The following HDAC9 variants were observed in gnomAD, a reference collection of about 807,000 sequenced individuals.
HDAC9 encodes the protein MEF-2 interacting transcription repressor (MITR) protein.
HDAC9 carries 41 observed loss-of-function variants against 139.4 expected under a neutral mutation model. The observed-to-expected ratio is 0.29, with a 90% CI of 0.23 to 0.38. HDAC9 has a LOEUF of 0.38. HDAC9 is among the 10% of genes least tolerant of loss of function. The pLI is 1.00. For synonymous variants in HDAC9, 517 were observed against 476.2 expected, an observed-to-expected ratio of 1.09 and a Z score of -1.12; for missense variants, 1,147 against 1,297.0, an observed-to-expected ratio of 0.88 and a Z score of 1.78.
At chr7:18,143,067 C>A (rs941236548) in intron 1 of HDAC9, among the ~76,000 whole-genome samples, 23 of 152,180 alleles carry the variant, frequency 1.5e-4, no homozygotes, top group Admixed American at 2.6e-4. Context: ...GGGTGAGATG[C>A]TTCCAAAACT....
chr7:18,973,380 C>T (rs1049399265), intron 24 of HDAC9, among the ~76,000 whole-genome samples: 6 of 152,238 alleles, frequency 3.9e-5, no homozygotes, highest in South Asian at 2.1e-4. Flanking sequence ...GCTAAAATAA[C>T]GTTTAATAAT....
At chr7:18,797,163 A>G (rs1792873880) in intron 17 of HDAC9, among the ~76,000 whole-genome samples, 1 of 152,212 alleles carries the variant, frequency 6.6e-6, no homozygotes, top group African/African-American at 2.4e-5. Context: ...AAAGACATTA[A>G]GTAACCTTTT....
chr7:18,874,041 A>G (rs1014611355), intron 21 of HDAC9, among the ~76,000 whole-genome samples: 1 of 152,082 alleles, frequency 6.6e-6, no homozygotes, highest in African/African-American at 2.4e-5. Flanking sequence ...ACTTTTCCCA[A>G]AAGAAATTTA....
At chr7:18,969,233 A>G (rs1784095890) in intron 24 of HDAC9, among the ~76,000 whole-genome samples, 1 of 152,160 alleles carries the variant, frequency 6.6e-6, no homozygotes, top group African/African-American at 2.4e-5. Flanking sequence ...AGAACTGGGA[A>G]TAGTTTGCAT....
intron 13 of HDAC9, among the ~76,000 whole-genome samples, chr7:18,730,091 A>T (rs1463416686): frequency 6.6e-6 from 1 of 152,210 alleles, no homozygotes; most frequent in Non-Finnish European, 1.5e-5. Flanking sequence ...AAAAACGCAC[A>T]ATATTTTAAA....
At chr7:18,513,094 G>T (rs1802057503) in intron 2 of HDAC9, among the ~76,000 whole-genome samples, 1 of 152,186 alleles carries the variant, frequency 6.6e-6, no homozygotes. Context: ...ATAGCCAAAT[G>T]ATTTTGTACT....
chr7:18,367,733 G>A (rs2032162212), intron 1 of HDAC9, among the ~76,000 whole-genome samples: 1 of 152,056 alleles, frequency 6.6e-6, no homozygotes, highest in Non-Finnish European at 1.5e-5. Context: ...GTGGGTACAT[G>A]TTCAACTGTG....
At chr7:18,370,179 G>A (rs1489557605) in intron 1 of HDAC9, among the ~76,000 whole-genome samples, 1 of 152,108 alleles carries the variant, frequency 6.6e-6, no homozygotes, top group Non-Finnish European at 1.5e-5. Flanking sequence ...GGTTATTCCA[G>A]CCCCAACTGG....
At chr7:18,321,154 G>A (rs1373660530) in intron 1 of HDAC9, among the ~76,000 whole-genome samples, 2 of 152,122 alleles carry the variant, frequency 1.3e-5, no homozygotes, top group Non-Finnish European at 2.9e-5. Flanking sequence ...CCCTACTCAA[G>A]TCAGATCTGG....
chr7:18,488,637 A>G (rs1378861650), intron 1 of HDAC9, among the ~76,000 whole-genome samples: 1 of 152,036 alleles, frequency 6.6e-6, no homozygotes, highest in African/African-American at 2.4e-5. Context: ...GCTTATAACC[A>G]GAGTTTTCTG....
intron 1 of HDAC9, among the ~76,000 whole-genome samples, chr7:18,471,091 A>G (rs547207193): frequency 1.3e-5 from 2 of 152,132 alleles, no homozygotes; most frequent in East Asian, 3.9e-4. Flanking sequence ...GACCGAGAAA[A>G]TATGAAGGGT....
intron 1 of HDAC9, among the ~76,000 whole-genome samples, chr7:18,132,284 A>C (rs180930626): frequency 6.6e-6 from 1 of 152,336 alleles, no homozygotes. Flanking sequence ...ATGGAACTAC[A>C]TTCAAGGTGT....
intron 22 of HDAC9, among the ~76,000 whole-genome samples, chr7:18,896,095 A>C (rs990106531): frequency 1.3e-5 from 2 of 152,060 alleles, no homozygotes; most frequent in East Asian, 1.9e-4. Flanking sequence ...TTAAATTCCA[A>C]GTGTTATTTA....
intron 16 of HDAC9, among the ~76,000 whole-genome samples, chr7:18,782,654 C>G (rs1791345635): frequency 6.6e-6 from 1 of 151,772 alleles, no homozygotes; most frequent in South Asian, 2.1e-4. Context: ...GATTTTTGTC[C>G]TTTGATGTGC....
chr7:18,120,644 C>A (rs947504740), intron 1 of HDAC9, among the ~76,000 whole-genome samples: 1 of 151,968 alleles, frequency 6.6e-6, no homozygotes, highest in Non-Finnish European at 1.5e-5. Flanking sequence ...TGGAGATTTT[C>A]AAAAAGTTGA....
chr7:18,136,865 A>T (rs1584261010), intron 1 of HDAC9, among the ~76,000 whole-genome samples: 1 of 151,912 alleles, frequency 6.6e-6, no homozygotes, highest in Admixed American at 6.6e-5. Flanking sequence ...CTGGATGGGG[A>T]TGGCATTGAA....
intron 1 of HDAC9, among the ~76,000 whole-genome samples, chr7:18,141,825 T>G (rs916849226): frequency 1.4e-4 from 21 of 152,206 alleles, no homozygotes; most frequent in African/African-American, 4.6e-4. Flanking sequence ...TTCATTTCAT[T>G]TATTTATTTA....
At chr7:18,658,601 CT>C (rs1792051338) in intron 11 of HDAC9, among the ~76,000 whole-genome samples, 1 of 151,972 alleles carries the variant, frequency 6.6e-6, no homozygotes, top group Non-Finnish European at 1.5e-5. Context: ...GAAAATCTTT[CT>C]TCTCTTGTTA....
At chr7:18,238,609 T>G (rs1038908284) in intron 2 of HDAC9, among the ~76,000 whole-genome samples, 2 of 152,154 alleles carry the variant, frequency 1.3e-5, no homozygotes, top group East Asian at 3.9e-4. Flanking sequence ...AGTACCACAA[T>G]TTTTAGATTC....
Sources: gnomAD v4.1 joint callset for allele counts (sites outside exome capture counted in the v4.1 genomes callset) on GRCh38, gnomAD v4.1.1 for gene constraint, MANE v1.5 for transcripts, NCBI Gene and HGNC (gene_info 2026-07-23, HGNC 2026-07-21) for gene names.